Variants in PRKRA observed in about 807,000 individuals in gnomAD.
The protein encoded by PRKRA is protein activator of interferon induced protein kinase EIF2AK2.
In PRKRA, 22 loss-of-function variants were observed where a neutral mutation model predicts 32.4. That is an observed-to-expected ratio of 0.68 (90% CI 0.49 to 0.97). PRKRA has a LOEUF of 0.97. Among genes scored for constraint, PRKRA ranks in the 50% least tolerant of loss-of-function variants. PRKRA has a pLI of 0.00. For synonymous variants in PRKRA, 139 were observed against 129.8 expected (o/e 1.07, Z -0.48); for missense variants, 319 against 375.6 (o/e 0.85, Z 1.25).
At chr2:178,441,547 G>A (rs1697114271) in intron 6 of PRKRA, 63 bp downstream of exon 6, 8 of 1,013,092 alleles carry the variant, frequency 7.9e-6, no homozygotes, top group Non-Finnish European at 1.1e-5. Flanking sequence ...AGAAATCAAG[G>A]AAAGTTTCCT....
chr2:178,439,062 T>C (rs1697018183), intron 6 of PRKRA: 1 of 152,224 alleles, frequency 6.6e-6, no homozygotes, highest in Non-Finnish European at 1.5e-5. Flanking sequence ...TTTAGTAGAC[T>C]TTTCCTCACG....
intron 3 of PRKRA, 125 bp downstream of exon 3, chr2:178,447,380 T>C (rs1047640398): frequency 7.3e-5 from 109 of 1,501,872 alleles, no homozygotes; most frequent in African/African-American, 2.6e-4. Context: ...CATAAGGAAA[T>C]AGAATTTGAG....
chr2:178,441,967 C>A (rs893802155), intron 5 of PRKRA, among the ~76,000 whole-genome samples: 2 of 149,222 alleles, frequency 1.3e-5, no homozygotes, highest in African/African-American at 5.0e-5. Flanking sequence ...CTCACTGCAA[C>A]CTCCGCCTCC....
chr2:178,432,124 A>G lies in PRKRA; in HGVS notation c.915T>C (p.Tyr305=). 6.2e-7 allele frequency: 1 copy of G among 1,614,212 alleles called. No homozygotes were observed. ...ACTTTCTTTCTGCTATTATCTTTAAATACTGCAAAGCATTGTGAGCTGCAT... is the reference window on the plus strand; with the variant it reads ...ACTTTCTTTCTGCTATTATCTTTAAGTACTGCAAAGCATTGTGAGCTGCAT... ...QSDAAHNALQ[Y]LKIIAERK Residue 305 remains tyrosine, a synonymous_variant, in exon 8 of 8, where the codon TAT becomes TAC. Coordinates refer to ENST00000325748, the MANE Select transcript of PRKRA (RefSeq NM_003690.5).
chr2:178,450,787 GC>G, intron 1 of PRKRA, 178 bp downstream of exon 1: 1 of 1,340,710 alleles, frequency 7.5e-7, no homozygotes, highest in Non-Finnish European at 9.5e-7. Flanking sequence ...GAGGGGCGGG[GC>G]CCGGCCGCAG....
Position 178,441,716 on chromosome 2 carries a change from A to C in PRKRA, c.515-12T>G, listed in dbSNP as rs1297427165. On this transcript the variant is annotated splice_polypyrimidine_tract_variant and intron_variant, in intron 5 of 7. Transcript: ENST00000325748. Reference sequence around the variant, plus strand: ...TGATGCCCCCTTTCCTGAACAAAGAAAAAGAAATGGTAGATTTAGAAAAGA... The same window carrying C: ...TGATGCCCCCTTTCCTGAACAAAGACAAAGAAATGGTAGATTTAGAAAAGA... 3 of 1,573,342 alleles carry C rather than the reference A, an allele frequency of 1.9e-6. No homozygotes were observed. The South Asian group carries it at 3.3e-5, about 17-fold the overall frequency.
chr2:178,435,574 G>C (rs573566960), intron 7 of PRKRA, among the ~76,000 whole-genome samples: 8 of 152,120 alleles, frequency 5.3e-5, no homozygotes, highest in African/African-American at 1.7e-4. Context: ...AAATTGACTT[G>C]GTTCCATTTA....
rs1696671129 is a variant in PRKRA at position 178,431,962 on chromosome 2, A to T, written c.*135T>A. The T allele has an allele frequency of 2.8e-6, 3 of 1,062,812 alleles. No individual in the cohort carries two copies. In the East Asian group the frequency reaches 7.7e-5, roughly 27 times the overall value. The allele number at this position is 1,062,812 out of a possible 1,614,324, so 65.8% of individuals were successfully genotyped here. A position where few individuals can be genotyped will look rare whatever the true frequency, so the allele number is the denominator to read the frequency against. ...AATAACAACTATGAGGAGATAATTA[A>T]ATCTGGAGTGTTGATGGAATCTATG... is the stretch of plus-strand genomic sequence containing the variant. On this transcript the variant is annotated 3_prime_UTR_variant, in exon 8 of 8. Coordinates refer to ENST00000325748, the MANE Select transcript of PRKRA (RefSeq NM_003690.5).
intron 1 of PRKRA, 187 bp from the exon 2 acceptor site, chr2:178,450,598 G>T: frequency 1.4e-6 from 2 of 1,480,834 alleles, no homozygotes; most frequent in South Asian, 1.4e-5. Flanking sequence ...CACTCCGCAG[G>T]AGCAGGCGGG....
intron 7 of PRKRA, 87 bp from the exon 8 acceptor site, chr2:178,432,341 G>T: frequency 7.7e-7 from 1 of 1,294,038 alleles, no homozygotes; most frequent in Non-Finnish European, 1.0e-6. Flanking sequence ...TCTTATTATT[G>T]TCTTTCTTTT....
In PRKRA at chr2:178,441,705, C is replaced by CAGTTTCCA. The variant is rs779497940; in HGVS notation, c.515-2_515-1insTGGAAACT. On this transcript the variant is annotated splice_acceptor_variant, in intron 5 of 7. Coordinates refer to ENST00000325748, the MANE Select transcript of PRKRA (RefSeq NM_003690.5). LOFTEE classifies it high-confidence loss of function. ...GCTTGCTTTTTTGATGCCCCCTTTCCTGAACAAAGAAAAAGAAATGGTAGA... is the reference window on the plus strand; with the variant it reads ...GCTTGCTTTTTTGATGCCCCCTTTCCAGTTTCCATGAACAAAGAAAAAGAAATGGTAGA... 4.6e-5 allele frequency: 74 copies of CAGTTTCCA among 1,600,456 alleles called. No individual in the cohort carries two copies. The highest frequency in any genetic ancestry group is 1.7e-4 in the Middle Eastern group (1 of 6,048).
intron 6 of PRKRA, among the ~76,000 whole-genome samples, chr2:178,437,058 G>C (rs191353804): frequency 6.6e-6 from 1 of 152,086 alleles, no homozygotes; most frequent in Non-Finnish European, 1.5e-5. Context: ...GAAGTAAGTA[G>C]GGTTACTACT....
rs563223376 is a variant in PRKRA at position 178,450,797 on chromosome 2, A to C, written c.65+169T>G. 45 of 1,334,806 alleles carry C rather than the reference A, an allele frequency of 3.4e-5. No homozygotes were observed. In the South Asian group the frequency reaches 5.9e-4, roughly 18 times the overall value. The allele number at this position is 1,334,806 out of a possible 1,614,324, so 82.7% of individuals were successfully genotyped here. A position where few individuals can be genotyped will look rare whatever the true frequency, so the allele number is the denominator to read the frequency against. ...CACGAGAGGGGCGGGGCCCGGCCGCAGACCCCAACCCTCGCCGCCGAGAGG... is the reference window on the plus strand; with the variant it reads ...CACGAGAGGGGCGGGGCCCGGCCGCCGACCCCAACCCTCGCCGCCGAGAGG... On this transcript the variant is annotated intron_variant, in intron 1 of 7. Transcript: ENST00000325748.
chr2:178,441,875 T>C (rs533911732), intron 5 of PRKRA, among the ~76,000 whole-genome samples, 171 bp from the exon 6 acceptor site: 1 of 150,992 alleles, frequency 6.6e-6, no homozygotes, highest in South Asian at 2.1e-4. Flanking sequence ...TTTGTTTGTA[T>C]AGCTATTAAT....
intron 6 of PRKRA, chr2:178,438,820 A>C (rs1697007503): frequency 6.6e-6 from 1 of 152,106 alleles, no homozygotes; most frequent in Non-Finnish European, 1.5e-5. Flanking sequence ...CGGGGACTAC[A>C]GGCGCACGCC....
rs1697422490 is a variant in PRKRA, at chr2:178,448,862, C to G, written c.236-1276G>C. Among the ~76,000 whole-genome samples, 3 of 152,266 alleles carry G rather than the reference C, an allele frequency of 2.0e-5. No individual in the cohort carries two copies. The South Asian group carries it at 6.2e-4, about 32-fold the overall frequency. ...GACAAAAGCCTACATTTCTACTGAA[C>G]TAGGTGATTGTGGAGCCTTTACATA... On this transcript the variant is annotated intron_variant, in intron 2 of 7. Transcript: ENST00000325748.
intron 7 of PRKRA, chr2:178,433,408 A>G (rs978038151): frequency 1.3e-5 from 2 of 152,278 alleles, no homozygotes; most frequent in African/African-American, 4.8e-5. Flanking sequence ...TCATATGGCA[A>G]TTCATTTGAG....
At chr2:178,449,994 T>G in intron 2 of PRKRA, 1 of 579,156 alleles carries the variant, frequency 1.7e-6, no homozygotes, top group Non-Finnish European at 3.1e-6. Context: ...AGAAGAGCCA[T>G]GCAGGATCCA....
At chr2:178,443,147 A>G (rs1697179191) in intron 5 of PRKRA, 120 bp downstream of exon 5, 4 of 693,154 alleles carry the variant, frequency 5.8e-6, no homozygotes, top group Non-Finnish European at 1.0e-5. Flanking sequence ...CAGAGACAAT[A>G]AAAGAGGAGT....
Sources: gnomAD v4.1 joint callset for allele counts (sites outside exome capture counted in the v4.1 genomes callset) on GRCh38, gnomAD v4.1.1 for gene constraint, MANE v1.5 for transcripts, NCBI Gene and HGNC (gene_info 2026-07-23, HGNC 2026-07-21) for gene names.